The following ASTN1 variants were observed in gnomAD, a reference collection of about 807,000 sequenced individuals.
The protein encoded by ASTN1 is astrotactin 1.
Under a neutral mutation model 140.7 loss-of-function variants are expected in ASTN1, and 41 were observed. The observed-to-expected ratio is 0.29, with a 90% confidence interval of 0.23 to 0.38. The LOEUF (loss-of-function observed/expected upper bound fraction) is 0.38, where lower values mean the gene tolerates loss of function less well. ASTN1 is among the 10% of genes least tolerant of loss of function. The probability of loss-of-function intolerance (pLI) is 1.00; values close to 1 mark genes in which losing one functional copy is unlikely to be tolerated. For missense variants in ASTN1, 1,479 were observed against 1,678.8 expected (o/e 0.88, Z 2.08); for synonymous variants, 640 against 652.2 (o/e 0.98, Z 0.29).
At chr1:176,881,122 G>A (rs901476275) in intron 20 of ASTN1, among the ~76,000 whole-genome samples, 5 of 152,320 alleles carry the variant, frequency 3.3e-5, no homozygotes, top group African/African-American at 1.2e-4. Flanking sequence ...ATCCTTCCGG[G>A]AGAGGAATGT....
At chr1:176,892,074 G>C (rs1176760742) in intron 17 of ASTN1, among the ~76,000 whole-genome samples, 2 of 152,118 alleles carry the variant, frequency 1.3e-5, no homozygotes, top group South Asian at 4.1e-4. Context: ...AATGTGTTTG[G>C]GGGGTAGAAA....
intron 22 of ASTN1, 48 bp downstream of exon 22, chr1:176,868,796 C>G: frequency 6.5e-7 from 1 of 1,531,192 alleles, no homozygotes; most frequent in South Asian, 1.3e-5. Flanking sequence ...ACAAGAGGTA[C>G]AAAATTTCAA....
At chr1:177,103,748 C>T (rs375987556) in intron 1 of ASTN1, among the ~76,000 whole-genome samples, 39 of 152,174 alleles carry the variant, frequency 2.6e-4, no homozygotes, top group Non-Finnish European at 4.7e-4. Context: ...ATACAGTCCT[C>T]GAACCAGCCC....
intron 1 of ASTN1, among the ~76,000 whole-genome samples, chr1:177,149,879 G>T (rs1682953458): frequency 7.1e-6 from 1 of 139,884 alleles, no homozygotes; most frequent in Non-Finnish European, 1.5e-5. Flanking sequence ...TATATACAGT[G>T]TATATATATA....
intron 16 of ASTN1, among the ~76,000 whole-genome samples, chr1:176,916,548 G>A (rs959524279): frequency 2.0e-5 from 3 of 152,102 alleles, no homozygotes; most frequent in Non-Finnish European, 4.4e-5. Flanking sequence ...ATTTCCACGA[G>A]TGTGCACTGC....
At chr1:177,097,070 C>T (rs1057399164) in intron 1 of ASTN1, among the ~76,000 whole-genome samples, 13 of 151,866 alleles carry the variant, frequency 8.6e-5, no homozygotes, top group South Asian at 2.1e-4. Context: ...ACCCAGTATA[C>T]GGTATTTTGT....
intron 16 of ASTN1, among the ~76,000 whole-genome samples, chr1:176,929,245 A>C (rs748725639): frequency 1.1e-4 from 16 of 152,184 alleles, no homozygotes; most frequent in Non-Finnish European, 1.6e-4. Context: ...ATGTGATTGA[A>C]TTAAAGTTCT....
chr1:177,117,454 T>C (rs1380488414), intron 1 of ASTN1, among the ~76,000 whole-genome samples: 4 of 152,034 alleles, frequency 2.6e-5, no homozygotes, highest in Non-Finnish European at 5.9e-5. Context: ...ATCTACTGCG[T>C]GCCAGGCACT....
Position 176,884,359 on chromosome 1 carries a change from T to C in ASTN1, c.3206A>G (p.Asp1069Gly), listed in dbSNP as rs200200255. 1.4e-5 allele frequency: 22 copies of C among 1,614,006 alleles called. No homozygotes were observed. The South Asian group carries it at 2.3e-4, about 17-fold the overall frequency. The change falls in exon 19 of 23, where the codon GAC becomes GGC. Residue 1069 changes from aspartate (D) to glycine (G), a missense_variant. Transcript: ENST00000361833. ...CTCACCTGTCTCCACTTTGGAGTGG[T>C]CCATCCTGTCAGTGACTTTCTCTTG... is the stretch of plus-strand genomic sequence containing the variant. ...LRQEKVTDRM[D>G]HSKVETETVL...
At chr1:177,035,041 T>C (rs954347282) in intron 2 of ASTN1, among the ~76,000 whole-genome samples, 1 of 152,222 alleles carries the variant, frequency 6.6e-6, no homozygotes, top group Non-Finnish European at 1.5e-5. Flanking sequence ...CCCTATATTA[T>C]GCAGTAATAA....
In ASTN1 at chr1:176,864,600, C is replaced by T. The variant is rs754856836; in HGVS notation, c.3648-79G>A. ...GAGCACAGCTACTGTTAGTGTGAGACTCTAAACTTCAAGAGGGAAGAGTGT... is the reference window on the plus strand; with the variant it reads ...GAGCACAGCTACTGTTAGTGTGAGATTCTAAACTTCAAGAGGGAAGAGTGT... On this transcript the variant is annotated intron_variant, in intron 22 of 22. Transcript: ENST00000361833. 1,180 of 1,548,294 alleles carry T rather than the reference C, an allele frequency of 7.6e-4. 3 individuals are homozygous for T. The highest frequency in any genetic ancestry group is 9.8e-4 in the Non-Finnish European group (1,126 of 1,144,782).
Position 176,875,156 on chromosome 1 carries a change from T to C in ASTN1, c.3463+1381A>G, listed in dbSNP as rs561091533. 1.5e-3 allele frequency among the ~76,000 whole-genome samples: 234 copies of C among 152,314 alleles called. 1 individual carries two copies. The highest frequency in any genetic ancestry group is 5.2e-3 in the African/African-American group (217 of 41,562). On this transcript the variant is annotated intron_variant, in intron 21 of 22. Transcript: ENST00000361833. ...AGGAAGGAACACTTGATCTGAGATT[T>C]GCAGAATAAGAGGTGTTCATCAGTT...
chr1:177,144,936 T>G (rs557471022), intron 1 of ASTN1, among the ~76,000 whole-genome samples: 1 of 152,114 alleles, frequency 6.6e-6, no homozygotes, highest in African/African-American at 2.4e-5. Context: ...TCCAGGGAGA[T>G]AGAGAAAAAT....
chr1:176,975,719 C>T lies in ASTN1; in HGVS notation c.1524-10482G>A, dbSNP rs114389832. ...GAATCTCATTTACCATGGCATCTCT[C>T]ATAAGCAGAATTGTTCTCAAACTTT... On this transcript the variant is annotated intron_variant, in intron 8 of 22. Transcript: ENST00000361833. Among the ~76,000 whole-genome samples the T allele has an allele frequency of 6.8e-3, 1,032 of 152,320 alleles. 5 individuals carry two copies. Among genetic ancestry groups the T allele is most frequent in the Non-Finnish European group, 0.011 (739 of 68,036 alleles).
At chr1:176,859,760 GACA>G (rs1667909591), downstream of ASTN1, among the ~76,000 whole-genome samples, 1 of 152,182 alleles carries the variant, frequency 6.6e-6, no homozygotes, top group Non-Finnish European at 1.5e-5. Flanking sequence ...CTCCAGCTTT[GACA>G]ACAAGAGCAA....
intron 1 of ASTN1, among the ~76,000 whole-genome samples, chr1:177,139,575 G>A (rs1682368152): frequency 6.6e-6 from 1 of 152,170 alleles, no homozygotes; most frequent in African/African-American, 2.4e-5. Flanking sequence ...AAATGCTTGA[G>A]AACTTTGAAA....
At chr1:177,100,300 A>G (rs1396434555) in intron 1 of ASTN1, among the ~76,000 whole-genome samples, 1 of 152,132 alleles carries the variant, frequency 6.6e-6, no homozygotes, top group Non-Finnish European at 1.5e-5. Context: ...CTCTCTCTGC[A>G]TTTAAAAAAA....
intron 16 of ASTN1, among the ~76,000 whole-genome samples, chr1:176,918,082 A>G (rs1670565894): frequency 6.6e-6 from 1 of 152,050 alleles, no homozygotes; most frequent in Non-Finnish European, 1.5e-5. Context: ...CACACAACAC[A>G]CAGCTACTCA....
intron 16 of ASTN1, 135 bp downstream of exon 16, chr1:176,934,017 A>AGAT (rs1413471221): frequency 4.7e-5 from 44 of 926,558 alleles, no homozygotes; most frequent in Non-Finnish European, 6.5e-5. Context: ...GAAATGTTAC[A>AGAT]GATGGGCACA....
Sources: gnomAD v4.1 joint callset for allele counts (sites outside exome capture counted in the v4.1 genomes callset) on GRCh38, gnomAD v4.1.1 for gene constraint, MANE v1.5 for transcripts, NCBI Gene and HGNC (gene_info 2026-07-23, HGNC 2026-07-21) for gene names.